PLXNA4: variants seen among roughly 807,000 people sequenced by gnomAD.
The protein encoded by PLXNA4 is plexin-A4.
PLXNA4 carries 44 observed loss-of-function variants against 191.8 expected under a neutral mutation model. That is an observed-to-expected ratio of 0.23 (90% confidence interval 0.18 to 0.29). The LOEUF (loss-of-function observed/expected upper bound fraction) is 0.29, where lower values mean the gene tolerates loss of function less well. Among genes scored for constraint, PLXNA4 ranks in the 10% least tolerant of loss-of-function variants. PLXNA4 has a pLI of 1.00. For missense variants in PLXNA4, 1,800 were observed against 2,488.8 expected (o/e 0.72, Z 5.89); for synonymous variants, 1,082 against 1,009.5 (o/e 1.07, Z -1.36).
chr7:132,489,746 C>T (rs148913416), intron 2 of PLXNA4, among the ~76,000 whole-genome samples: 3,484 of 152,246 alleles, frequency 0.023, 60 homozygotes, highest in Non-Finnish European at 0.034. Flanking sequence ...TCCAACCCCT[C>T]CCAGCGCCAT....
At chr7:132,250,309 A>G (rs1799203311) in intron 4 of PLXNA4, among the ~76,000 whole-genome samples, 1 of 152,206 alleles carries the variant, frequency 6.6e-6, no homozygotes, top group Non-Finnish European at 1.5e-5. Flanking sequence ...TATACCTAGT[A>G]CTCAGCTCAT....
At chr7:132,445,933 G>A (rs13437844) in intron 3 of PLXNA4, among the ~76,000 whole-genome samples, 3,506 of 152,244 alleles carry the variant, frequency 0.023, 140 homozygotes, top group African/African-American at 0.08. Context: ...AAAAACTCCC[G>A]AGACCTTGAT....
At chr7:132,163,954 C>T (rs370966141) in intron 24 of PLXNA4, among the ~76,000 whole-genome samples, 188 bp downstream of exon 24, 11 of 152,330 alleles carry the variant, frequency 7.2e-5, no homozygotes, top group African/African-American at 1.7e-4. Context: ...ATCCAAATGC[C>T]CTGGTGAAAC....
rs145931102 is a variant in PLXNA4, at chr7:132,377,153, C to T, written c.1372-78931G>A. Among the ~76,000 whole-genome samples, 550 of 152,244 alleles carry T rather than the reference C, an allele frequency of 3.6e-3. 1 individual carries two copies. Among genetic ancestry groups the T allele is most frequent in the African/African-American group, 0.012 (503 of 41,534 alleles). ...GCTATTTAGGAAAAGCCAGAGAATA[C>T]GAGATGCTTATGTTATGAAATATCA... On this transcript the variant is annotated intron_variant, in intron 3 of 31. Transcript: ENST00000321063.
intron 28 of PLXNA4, 86 bp from the exon 29 acceptor site, chr7:132,145,374 G>T: frequency 1.3e-6 from 2 of 1,578,594 alleles, no homozygotes; most frequent in South Asian, 1.1e-5. Context: ...GACCTAGGCA[G>T]GGGAGGATGG....
At chr7:132,393,724 T>A (rs930973017) in intron 3 of PLXNA4, among the ~76,000 whole-genome samples, 1 of 152,032 alleles carries the variant, frequency 6.6e-6, no homozygotes, top group Non-Finnish European at 1.5e-5. Flanking sequence ...ATGGTGGGAA[T>A]CCACAGAAGA....
chr7:132,351,296 A>C (rs1803473958), intron 3 of PLXNA4, among the ~76,000 whole-genome samples: 1 of 152,266 alleles, frequency 6.6e-6, no homozygotes, highest in South Asian at 2.1e-4. Context: ...TAGGTGAATT[A>C]TACCAAATGT....
chr7:132,584,200 C>A (rs566810378), intron 2 of PLXNA4, among the ~76,000 whole-genome samples: 5 of 152,304 alleles, frequency 3.3e-5, no homozygotes, highest in South Asian at 4.1e-4. Context: ...GTAGGAGTTT[C>A]TTTCTGTCCA....
At chr7:132,144,969 G>C (rs1279034131) in intron 29 of PLXNA4, 150 bp downstream of exon 29, 3 of 1,105,040 alleles carry the variant, frequency 2.7e-6, no homozygotes, top group Non-Finnish European at 2.6e-6. Flanking sequence ...TGGATGGGGA[G>C]GACCAGAGAA....
Position 132,592,577 on chromosome 7 carries a change from T to C in PLXNA4, c.-87+53351A>G, listed in dbSNP as rs1209488624. On this transcript the variant is annotated intron_variant, in intron 2 of 4. Transcript: ENST00000378539. Reference sequence around the variant, plus strand: ...GCCTTTAAAAACCCACATTAAATTCTCGTTTAACGATTTGACGGGGTCCCC... The same window carrying C: ...GCCTTTAAAAACCCACATTAAATTCCCGTTTAACGATTTGACGGGGTCCCC... Among the ~76,000 whole-genome samples the C allele has an allele frequency of 3.9e-5, 6 of 151,950 alleles. No individual in the cohort carries two copies. In the South Asian group the frequency reaches 1.0e-3, roughly 26 times the overall value.
intron 1 of PLXNA4, among the ~76,000 whole-genome samples, chr7:132,537,520 T>C (rs7783908): frequency 0.86 from 131,463 of 152,248 alleles, 57,965 homozygotes; most frequent in Non-Finnish European, 0.96. Flanking sequence ...AAAGTTAAGA[T>C]GTGCTTTAAG....
At chr7:132,311,185 TGTGTGTGTGC>T (rs1229927585) in intron 3 of PLXNA4, among the ~76,000 whole-genome samples, 4 of 136,488 alleles carry the variant, frequency 2.9e-5, no homozygotes, top group African/African-American at 5.5e-5. Context: ...TGTGTGTGTG[TGTGTGTGTGC>T]GCGTGTGGCC....
In PLXNA4 at chr7:132,211,035, C is replaced by T. The variant is rs780799576; in HGVS notation, c.2206G>A (p.Gly736Ser). Residue 736 changes from glycine to serine, a missense_variant, in exon 10 of 32, where the codon GGC (glycine) becomes AGC (serine). By Grantham distance (56) the Gly-to-Ser change is moderately conservative. Transcript: ENST00000321063. ...TGAATGTTGAGGATGCATTCGTAGCCACGCTGCCCAGACTGGGGCTGGGGG... is the reference window on the plus strand; with the variant it reads ...TGAATGTTGAGGATGCATTCGTAGCTACGCTGCCCAGACTGGGGCTGGGGG... ...NLPQPQSGQR[G>S]YECILNIQGS... 1 of 1,613,974 alleles carries T rather than the reference C, an allele frequency of 6.2e-7. No homozygotes were observed. The highest frequency in any genetic ancestry group is 2.2e-5 in the East Asian group (1 of 44,870).
intron 1 of PLXNA4, among the ~76,000 whole-genome samples, chr7:132,535,948 A>G (rs1394195219): frequency 3.3e-5 from 5 of 152,150 alleles, no homozygotes; most frequent in Admixed American, 2.6e-4. Flanking sequence ...AGAGTAGATC[A>G]TTTTAAAGGC....
chr7:132,365,372 CAT>C (rs1563059018), intron 3 of PLXNA4, among the ~76,000 whole-genome samples: 3 of 145,864 alleles, frequency 2.1e-5, no homozygotes, highest in South Asian at 4.5e-4. Context: ...CGTGCGCGCG[CAT>C]GCATGGGGCA....
chr7:132,327,409 G>A (rs1214580655), intron 3 of PLXNA4, among the ~76,000 whole-genome samples: 1 of 152,170 alleles, frequency 6.6e-6, no homozygotes, highest in Non-Finnish European at 1.5e-5. Flanking sequence ...TGAAGGTTCA[G>A]GGAAGGTCAT....
chr7:132,604,015 G>T (rs1159003695), intron 2 of PLXNA4, among the ~76,000 whole-genome samples: 1 of 152,174 alleles, frequency 6.6e-6, no homozygotes, highest in Admixed American at 6.5e-5. Context: ...TGCCTAAAGT[G>T]CCTAGCAGAC....
chr7:132,638,473 G>A (rs1420520579), intron 2 of PLXNA4, among the ~76,000 whole-genome samples: 1 of 152,118 alleles, frequency 6.6e-6, no homozygotes, highest in Admixed American at 6.6e-5. Flanking sequence ...CCAACATGGT[G>A]AAACCCCGTG....
rs1794853053 is a variant in PLXNA4 at position 132,128,969 on chromosome 7, G to C, written c.*1510C>G. ...GAAAGGTTCCTAGAACCCTCCATTA[G>C]ACCATCTCTCCCCATAGCCTCTGCT... On this transcript the variant is annotated 3_prime_UTR_variant, in exon 32 of 32. Transcript: ENST00000321063. The C allele has an allele frequency of 6.6e-6, 1 of 152,240 alleles. No homozygotes were observed. The highest frequency in any genetic ancestry group is 1.5e-5 in the Non-Finnish European group (1 of 68,056). 9.4% of individuals were successfully genotyped at this position (152,240 alleles called of 1,614,324 possible). A position where few individuals can be genotyped will look rare whatever the true frequency, so the allele number is the denominator to read the frequency against.
Sources: gnomAD v4.1 joint callset for allele counts (sites outside exome capture counted in the v4.1 genomes callset) on GRCh38, gnomAD v4.1.1 for gene constraint, MANE v1.5 for transcripts, NCBI Gene and HGNC (gene_info 2026-07-23, HGNC 2026-07-21) for gene names.